Variants in RAPGEF5 observed in about 807,000 individuals in gnomAD.
The protein encoded by RAPGEF5 is Rap guanine nucleotide exchange factor 5.
A neutral mutation model predicts 125.2 loss-of-function variants in RAPGEF5; 65 were observed. The observed-to-expected ratio is 0.52, with a 90% confidence interval of 0.43 to 0.64. RAPGEF5 has a LOEUF of 0.64. RAPGEF5 is among the 30% of genes least tolerant of loss of function. The probability of loss-of-function intolerance (pLI) is 0.00; values close to 1 mark genes in which losing one functional copy is unlikely to be tolerated. For synonymous variants in RAPGEF5, 391 were observed against 385.9 expected, an observed-to-expected ratio of 1.01 and a Z score of -0.16; for missense variants, 958 against 1,048.1, an observed-to-expected ratio of 0.91 and a Z score of 1.19.
chr7:22,147,829 C>G (rs1783492527), intron 18 of RAPGEF5, among the ~76,000 whole-genome samples: 1 of 152,132 alleles, frequency 6.6e-6, no homozygotes, highest in South Asian at 2.1e-4. Flanking sequence ...TTAAAACAAA[C>G]AGAAGGAACC....
At chr7:22,296,889 T>C (rs1239108836) in intron 5 of RAPGEF5, among the ~76,000 whole-genome samples, 1 of 152,164 alleles carries the variant, frequency 6.6e-6, no homozygotes, top group African/African-American at 2.4e-5. Flanking sequence ...ACATGATCAA[T>C]TGTGCCAAAT....
intron 24 of RAPGEF5, among the ~76,000 whole-genome samples, chr7:22,129,132 A>G (rs995459719): frequency 7.9e-5 from 12 of 151,928 alleles, no homozygotes; most frequent in Admixed American, 2.6e-4. Context: ...GCTTGTTCCC[A>G]TTTGTGACTT....
intron 18 of RAPGEF5, among the ~76,000 whole-genome samples, chr7:22,149,027 A>G (rs1348280324): frequency 1.3e-5 from 2 of 152,202 alleles, no homozygotes; most frequent in Non-Finnish European, 2.9e-5. Context: ...GGCATGTACA[A>G]ATGAAAGAAA....
Position 22,146,950 on chromosome 7 carries a change from G to A in RAPGEF5, c.1954C>T (p.Leu652Phe), listed in dbSNP as rs747625970. ...TCAAAATTCATTAATTCCAGAGCAA[G>A]ATCCCAAGTGTTCATTCCCAAAATC... The part of the protein sequence containing the change: ...MRILGMNTWD[L>F]ALELMNFDWS... Residue 652 changes from leucine to phenylalanine, a missense_variant, in exon 19 of 26, where the codon CTT becomes TTT. Leu to Phe is a conservative substitution (Grantham distance 22, BLOSUM62 0). Transcript: ENST00000665637. 5 of 1,613,610 alleles carry A rather than the reference G, an allele frequency of 3.1e-6. No individual in the cohort carries two copies. The East Asian group carries it at 6.7e-5, about 22-fold the overall frequency.
intron 9 of RAPGEF5, among the ~76,000 whole-genome samples, chr7:22,218,900 G>C (rs1340579460): frequency 6.6e-6 from 1 of 152,134 alleles, no homozygotes; most frequent in African/African-American, 2.4e-5. Context: ...CTCACTGTTA[G>C]AGAAGTGCTA....
At chr7:22,341,267 CTCATGAGACTTATTCACTA>C (rs1784124090) in intron 1 of RAPGEF5, among the ~76,000 whole-genome samples, 1 of 152,172 alleles carries the variant, frequency 6.6e-6, no homozygotes, top group African/African-American at 2.4e-5. Context: ...ACCATCAGAT[CTCATGAGACTTATTCACTA>C]TCATGAGAAC....
At chr7:22,334,945 A>G (rs185825293) in intron 1 of RAPGEF5, among the ~76,000 whole-genome samples, 1 of 152,282 alleles carries the variant, frequency 6.6e-6, no homozygotes, top group Non-Finnish European at 1.5e-5. Context: ...CTGCATCTCA[A>G]CATCCTTCCA....
At chr7:22,239,823 T>C (rs1786279667) in intron 7 of RAPGEF5, among the ~76,000 whole-genome samples, 3 of 152,166 alleles carry the variant, frequency 2.0e-5, no homozygotes, top group African/African-American at 7.2e-5. Context: ...TAAATACTTA[T>C]CCCACTGGCT....
intron 7 of RAPGEF5, among the ~76,000 whole-genome samples, chr7:22,238,170 C>T (rs150864393): frequency 6.0e-4 from 91 of 152,244 alleles, no homozygotes; most frequent in African/African-American, 1.9e-3. Flanking sequence ...TAATTTGATA[C>T]CTCTTTGTGC....
chr7:22,145,482 T>C (rs182148202), intron 19 of RAPGEF5, among the ~76,000 whole-genome samples: 1 of 152,366 alleles, frequency 6.6e-6, no homozygotes, highest in African/African-American at 2.4e-5. Flanking sequence ...AAATCTAAGA[T>C]ATCCTGAAGT....
In RAPGEF5 at chr7:22,122,335, G is replaced by A; in HGVS notation, c.*71C>T. 7.8e-7 allele frequency: 1 copy of A among 1,278,196 alleles called. No individual in the cohort carries two copies. Among genetic ancestry groups the A allele is most frequent in the South Asian group, 1.2e-5 (1 of 81,508 alleles). 79.2% of individuals were successfully genotyped at this position (1,278,196 alleles called of 1,614,324 possible). ...CAGCAACTTCTTTTCTCACAGGAAA[G>A]CAACGTGCTTGGCATAGACATTCCC... On this transcript the variant is annotated 3_prime_UTR_variant, in exon 26 of 26. Coordinates refer to ENST00000665637, the MANE Select transcript of RAPGEF5 (RefSeq NM_012294.5).
At chr7:22,163,386 G>C (rs987287152) in intron 12 of RAPGEF5, among the ~76,000 whole-genome samples, 2 of 152,148 alleles carry the variant, frequency 1.3e-5, no homozygotes, top group African/African-American at 4.8e-5. Context: ...TACTGACAGA[G>C]AATATGCACA....
chr7:22,150,051 T>C (rs1026421157), intron 18 of RAPGEF5, among the ~76,000 whole-genome samples: 3 of 150,424 alleles, frequency 2.0e-5, no homozygotes, highest in African/African-American at 7.3e-5. Context: ...ATAAAACCTA[T>C]GCTTTATGTG....
intron 7 of RAPGEF5, among the ~76,000 whole-genome samples, chr7:22,237,703 C>A (rs1786228636): frequency 6.6e-6 from 1 of 152,152 alleles, no homozygotes; most frequent in African/African-American, 2.4e-5. Context: ...TAATTAAAGC[C>A]TTCTTCCTTG....
At chr7:22,195,442 T>C (rs972323005) in intron 9 of RAPGEF5, among the ~76,000 whole-genome samples, 1 of 152,210 alleles carries the variant, frequency 6.6e-6, no homozygotes, top group African/African-American at 2.4e-5. Context: ...TAAACAGCAA[T>C]ATAATTTTAT....
chr7:22,219,810 G>C, intron 9 of RAPGEF5, 56 bp downstream of exon 9: 2 of 1,520,694 alleles, frequency 1.3e-6, no homozygotes, highest in Non-Finnish European at 1.8e-6. Flanking sequence ...CATGCAATCA[G>C]GCAAAAACAT....
At chr7:22,150,942 T>G (rs1182154349) in intron 17 of RAPGEF5, among the ~76,000 whole-genome samples, 1 of 152,262 alleles carries the variant, frequency 6.6e-6, no homozygotes, top group Non-Finnish European at 1.5e-5. Flanking sequence ...TTATAACTAT[T>G]GCGGATACAC....
At chr7:22,144,438 G>A (rs1366369241) in intron 20 of RAPGEF5, among the ~76,000 whole-genome samples, 1 of 152,238 alleles carries the variant, frequency 6.6e-6, no homozygotes, top group Non-Finnish European at 1.5e-5. Context: ...TTTGACTGAG[G>A]TCTTGAAGAA....
At chr7:22,171,235 A>T (rs2128117265) in intron 11 of RAPGEF5, among the ~76,000 whole-genome samples, 1 of 152,314 alleles carries the variant, frequency 6.6e-6, no homozygotes, top group South Asian at 2.1e-4. Flanking sequence ...GACAATAGCC[A>T]TTTAGAAAGA....
Sources: allele counts gnomAD v4.1 joint callset (sites outside exome capture counted in the v4.1 genomes callset), GRCh38; gene constraint gnomAD v4.1.1; transcripts MANE v1.5; gene names NCBI Gene and HGNC (gene_info 2026-07-23, HGNC 2026-07-21).